Variants in PRKD1 observed in about 807,000 individuals in gnomAD.
PRKD1 encodes protein kinase D1.
PRKD1 carries 63 observed loss-of-function variants against 95.9 expected under a neutral mutation model. That is an observed-to-expected ratio of 0.66 (90% confidence interval 0.54 to 0.81). PRKD1 has a LOEUF of 0.81. Among genes scored for constraint, PRKD1 ranks in the 30% least tolerant of loss-of-function variants. PRKD1 has a pLI of 0.00. For missense variants in PRKD1, 1,048 were observed against 1,165.3 expected, an observed-to-expected ratio of 0.90 and a Z score of 1.47; for synonymous variants, 425 against 423.1, an observed-to-expected ratio of 1.00 and a Z score of -0.05.
intron 3 of PRKD1, among the ~76,000 whole-genome samples, chr14:29,665,859 A>G (rs1456150813): frequency 6.6e-6 from 1 of 152,102 alleles, no homozygotes; most frequent in African/African-American, 2.4e-5. Context: ...CACACAAAAA[A>G]ACCTATATTT....
At chr14:29,853,909 C>G (rs1892403072) in intron 1 of PRKD1, among the ~76,000 whole-genome samples, 3 of 152,166 alleles carry the variant, frequency 2.0e-5, no homozygotes, top group African/African-American at 7.2e-5. Context: ...CCTGCTGCCA[C>G]CCATGTAAGA....
At chr14:29,608,886 T>C (rs779243893) in intron 13 of PRKD1, among the ~76,000 whole-genome samples, 37 of 152,244 alleles carry the variant, frequency 2.4e-4, no homozygotes, top group African/African-American at 7.0e-4. Flanking sequence ...GGGGGTACCA[T>C]GTTTTGAAAA....
At chr14:29,773,331 G>A (rs770008609) in intron 1 of PRKD1, among the ~76,000 whole-genome samples, 22 of 151,900 alleles carry the variant, frequency 1.4e-4, no homozygotes, top group African/African-American at 3.6e-4. Context: ...ATGGTGGCAC[G>A]TGCCGGTAAT....
At chr14:29,795,213 A>T (rs1889761249) in intron 1 of PRKD1, among the ~76,000 whole-genome samples, 1 of 152,074 alleles carries the variant, frequency 6.6e-6, no homozygotes, top group Non-Finnish European at 1.5e-5. Context: ...TGAGATGCTA[A>T]ATACAGAGAA....
rs116290029 is a variant in PRKD1, at chr14:29,913,526, C to T, written c.264+13723G>A. ...CCTCACTCTATGTTTACTTTTGCTC[C>T]TTATCCTTCTCAAAGAATTGAAAAA... On this transcript the variant is annotated intron_variant, in intron 1 of 17. Coordinates refer to ENST00000331968, the MANE Select transcript of PRKD1 (RefSeq NM_002742.3). Among the ~76,000 whole-genome samples the T allele has an allele frequency of 5.4e-3, 822 of 152,182 alleles. 10 individuals carry two copies. Among genetic ancestry groups the T allele is most frequent in the African/African-American group, 0.019 (786 of 41,508 alleles).
At chr14:29,738,787 TTCTC>T (rs918821797) in intron 1 of PRKD1, among the ~76,000 whole-genome samples, 7 of 151,446 alleles carry the variant, frequency 4.6e-5, no homozygotes, top group South Asian at 2.1e-4. Context: ...CCTTCTTTCT[TTCTC>T]TCTCTCTTTC....
chr14:29,709,460 G>T (rs1012137448), intron 2 of PRKD1, among the ~76,000 whole-genome samples: 2 of 152,154 alleles, frequency 1.3e-5, no homozygotes, highest in African/African-American at 4.8e-5. Context: ...TTATAGCATT[G>T]CTCTCATTGT....
At position 29,617,216 on chromosome 14, in the gene PRKD1, T is replaced by C. The variant is rs529210950; in HGVS notation, c.1905+6936A>G. 3.3e-5 allele frequency among the ~76,000 whole-genome samples: 5 copies of C among 152,316 alleles called. No individual in the cohort carries two copies. In the South Asian group the frequency reaches 1.0e-3, roughly 32 times the overall value. Reference sequence around the variant, plus strand: ...AGTCTACCATTTTTCACCATTTAGGTTGATTCTGTATCTTTCCTATTGTGA... The same window carrying C: ...AGTCTACCATTTTTCACCATTTAGGCTGATTCTGTATCTTTCCTATTGTGA... On this transcript the variant is annotated intron_variant, in intron 13 of 17. Coordinates refer to ENST00000331968, the MANE Select transcript of PRKD1 (RefSeq NM_002742.3).
intron 1 of PRKD1, among the ~76,000 whole-genome samples, chr14:29,875,274 G>T (rs1893247150): frequency 6.6e-6 from 1 of 151,956 alleles, no homozygotes; most frequent in Non-Finnish European, 1.5e-5. Flanking sequence ...AGCCCAGATG[G>T]TAGAAAGTCT....
chr14:29,743,802 C>T (rs137898181), intron 1 of PRKD1, among the ~76,000 whole-genome samples: 1 of 152,316 alleles, frequency 6.6e-6, no homozygotes, highest in East Asian at 1.9e-4. Flanking sequence ...ATGGGTAATT[C>T]TCAGTTCCTC....
At chr14:29,770,681 A>C (rs1888460695) in intron 1 of PRKD1, among the ~76,000 whole-genome samples, 1 of 152,168 alleles carries the variant, frequency 6.6e-6, no homozygotes, top group Non-Finnish European at 1.5e-5. Flanking sequence ...GAGATATCTA[A>C]GGAGGTCAGG....
chr14:29,644,401 G>A (rs1880992026), intron 4 of PRKD1, among the ~76,000 whole-genome samples: 1 of 152,134 alleles, frequency 6.6e-6, no homozygotes, highest in African/African-American at 2.4e-5. Flanking sequence ...GATGCAATGA[G>A]GAATGGTTGA....
At chr14:29,728,627 TTAG>T (rs1886284697) in intron 1 of PRKD1, among the ~76,000 whole-genome samples, 1 of 152,308 alleles carries the variant, frequency 6.6e-6, no homozygotes, top group African/African-American at 2.4e-5. Flanking sequence ...TTATTACTTA[TTAG>T]TATTTCATTA....
rs190593314 is a variant in PRKD1, at chr14:29,793,583, C to G, written c.265-67909G>C. Among the ~76,000 whole-genome samples, 7 of 151,986 alleles carry G rather than the reference C, an allele frequency of 4.6e-5. No individual in the cohort carries two copies. The East Asian group carries it at 1.4e-3, about 29-fold the overall frequency. On this transcript the variant is annotated intron_variant, in intron 1 of 17. Coordinates refer to ENST00000331968, the MANE Select transcript of PRKD1 (RefSeq NM_002742.3). Reference sequence around the variant, plus strand: ...TTGGTTTCTTACATTGAAATGGGAGCAATGTTCAAAATAATCATGTGCATG... The same window carrying G: ...TTGGTTTCTTACATTGAAATGGGAGGAATGTTCAAAATAATCATGTGCATG...
chr14:29,727,838 T>G lies in PRKD1; in HGVS notation c.265-2164A>C, dbSNP rs533318619. ...TGGAATACTATGCAGCCATAAAAAA[T>G]GATGAGTTCATGTCCTTTGTAGGGA... On this transcript the variant is annotated intron_variant, in intron 1 of 17. Transcript: ENST00000331968. Among the ~76,000 whole-genome samples the G allele has an allele frequency of 3.8e-4, 58 of 151,542 alleles. No homozygotes were observed. The East Asian group carries it at 8.7e-3, about 23-fold the overall frequency.
intron 1 of PRKD1, among the ~76,000 whole-genome samples, chr14:29,821,225 T>C (rs17096078): frequency 0.068 from 10,304 of 152,196 alleles, 670 homozygotes; most frequent in East Asian, 0.25. Context: ...TTGTATTCTC[T>C]AAGGTAGATT....
chr14:29,626,629 C>A (rs539488689), intron 11 of PRKD1, 73 bp from the exon 12 acceptor site: 20 of 787,564 alleles, frequency 2.5e-5, no homozygotes, highest in Middle Eastern at 3.7e-4. Context: ...TAATATAATT[C>A]TATTAAATAT....
chr14:29,700,784 C>G (rs1375735710), intron 2 of PRKD1, among the ~76,000 whole-genome samples: 3 of 152,100 alleles, frequency 2.0e-5, no homozygotes, highest in Non-Finnish European at 4.4e-5. Flanking sequence ...ACTGACCTCC[C>G]CTGAAGAAGA....
At chr14:29,878,030 T>C (rs1243704206) in intron 1 of PRKD1, among the ~76,000 whole-genome samples, 1 of 152,174 alleles carries the variant, frequency 6.6e-6, no homozygotes, top group African/African-American at 2.4e-5. Context: ...GCCATTATCC[T>C]TGGCAAACTA....
Sources: allele counts gnomAD v4.1 joint callset (sites outside exome capture counted in the v4.1 genomes callset), GRCh38; gene constraint gnomAD v4.1.1; transcripts MANE v1.5; gene names NCBI Gene and HGNC (gene_info 2026-07-23, HGNC 2026-07-21).